The following PRKAR2B variants were observed in gnomAD, a reference collection of about 807,000 sequenced individuals.
The protein encoded by PRKAR2B is cAMP-dependent protein kinase type II-beta regulatory subunit.
A neutral mutation model predicts 49.9 loss-of-function variants in PRKAR2B; 14 were observed. That is an observed-to-expected ratio of 0.28 (90% CI 0.19 to 0.44). The LOEUF is 0.44. Among genes scored for constraint, PRKAR2B ranks in the 20% least tolerant of loss-of-function variants. PRKAR2B has a pLI of 1.00. For missense variants in PRKAR2B, 393 were observed against 537.9 expected (o/e 0.73, Z 2.67); for synonymous variants, 196 against 197.7 (o/e 0.99, Z 0.07).
At chr7:107,132,152 C>A (rs911821714) in intron 4 of PRKAR2B, among the ~76,000 whole-genome samples, 3 of 152,190 alleles carry the variant, frequency 2.0e-5, no homozygotes, top group Non-Finnish European at 4.4e-5. Context: ...GAGCTGTGCC[C>A]TCTGAAAATG....
intron 2 of PRKAR2B, among the ~76,000 whole-genome samples, chr7:107,113,993 G>A (rs1795220483): frequency 6.6e-6 from 1 of 152,158 alleles, no homozygotes; most frequent in Admixed American, 6.5e-5. Context: ...TTGTTGATAG[G>A]ATTCCTTTGA....
At chr7:107,089,403 C>T (rs968627445) in intron 2 of PRKAR2B, among the ~76,000 whole-genome samples, 1 of 152,160 alleles carries the variant, frequency 6.6e-6, no homozygotes, top group African/African-American at 2.4e-5. Context: ...ATTTATCTTC[C>T]TAACCAGGTT....
At chr7:107,054,270 C>T (rs1013229475) in intron 1 of PRKAR2B, among the ~76,000 whole-genome samples, 21 of 152,260 alleles carry the variant, frequency 1.4e-4, no homozygotes, top group Middle Eastern at 6.8e-3. Context: ...AGGAGAATGG[C>T]GTGAACCCGA....
At chr7:107,115,976 C>G (rs575227532) in intron 2 of PRKAR2B, among the ~76,000 whole-genome samples, 265 of 152,314 alleles carry the variant, frequency 1.7e-3, no homozygotes, top group African/African-American at 5.6e-3. Flanking sequence ...GAACCAAGTA[C>G]TCACTCTCCT....
chr7:107,150,819 T>C, intron 6 of PRKAR2B, 103 bp from the exon 7 acceptor site: 2 of 618,536 alleles, frequency 3.2e-6, no homozygotes, highest in Non-Finnish European at 5.6e-6. Flanking sequence ...TGTTAATCTT[T>C]TATTTCAGAA....
chr7:107,138,769 A>G (rs746881140), intron 4 of PRKAR2B, among the ~76,000 whole-genome samples: 1 of 152,024 alleles, frequency 6.6e-6, no homozygotes, highest in Non-Finnish European at 1.5e-5. Context: ...CTGAAGCCTC[A>G]ACCTCCCAGG....
chr7:107,044,866 G>C lies in PRKAR2B; in HGVS notation c.-42G>C. On this transcript the variant is annotated 5_prime_UTR_variant, in exon 1 of 11. Coordinates refer to ENST00000265717, the MANE Select transcript of PRKAR2B (RefSeq NM_002736.3). ...GGGGCCCTAGGCCGTGCCGGGGAGG[G>C]GGCGAGGGCGGCGCCCAGGCGCCTG... 1 of 1,532,370 alleles carries C rather than the reference G, an allele frequency of 6.5e-7. No individual in the cohort carries two copies. Among genetic ancestry groups the C allele is most frequent in the Non-Finnish European group, 8.8e-7 (1 of 1,142,488 alleles). The allele number at this position is 1,532,370 out of a possible 1,614,324, so 94.9% of individuals were successfully genotyped here.
chr7:107,066,992 A>C (rs1317662522), intron 1 of PRKAR2B: 1 of 152,304 alleles, frequency 6.6e-6, no homozygotes, highest in Non-Finnish European at 1.5e-5. Flanking sequence ...ATCAGAAGGC[A>C]ATGTGGCCAG....
chr7:107,071,582 T>C (rs1294985491), intron 2 of PRKAR2B, among the ~76,000 whole-genome samples: 3 of 152,212 alleles, frequency 2.0e-5, no homozygotes, highest in Non-Finnish European at 4.4e-5. Context: ...TAGTCCTTTA[T>C]GAGCAGTGGT....
At position 107,142,334 on chromosome 7, in the gene PRKAR2B, G is replaced by T. The variant is rs566136719; in HGVS notation, c.587+1381G>T. ...GACCTGTGGCTGAAGCACTAGCCAG[G>T]ATTTTAGAATAGAATAAACCAGTTA... is the stretch of plus-strand genomic sequence containing the variant. On this transcript the variant is annotated intron_variant, in intron 5 of 10. Coordinates refer to ENST00000265717, the MANE Select transcript of PRKAR2B (RefSeq NM_002736.3). 2.6e-5 allele frequency among the ~76,000 whole-genome samples: 4 copies of T among 152,230 alleles called. No individual in the cohort carries two copies. In the East Asian group the frequency reaches 5.8e-4, roughly 22 times the overall value.
chr7:107,061,765 C>T (rs1794031332), intron 1 of PRKAR2B, among the ~76,000 whole-genome samples: 1 of 152,100 alleles, frequency 6.6e-6, no homozygotes, highest in South Asian at 2.1e-4. Context: ...TTAGTGGTGG[C>T]ACATGCCTTT....
intron 1 of PRKAR2B, among the ~76,000 whole-genome samples, chr7:107,064,658 C>T (rs1794097952): frequency 6.6e-6 from 1 of 152,174 alleles, no homozygotes; most frequent in South Asian, 2.1e-4. Context: ...TGTCCTTGTA[C>T]CTTTGAGCCC....
chr7:107,068,017 G>T (rs1250077780), intron 1 of PRKAR2B, among the ~76,000 whole-genome samples: 1 of 152,186 alleles, frequency 6.6e-6, no homozygotes, highest in Non-Finnish European at 1.5e-5. Context: ...ACAGTTCTTT[G>T]TTGTGCAGGA....
intron 7 of PRKAR2B, among the ~76,000 whole-genome samples, chr7:107,151,612 A>G (rs1010959433): frequency 6.6e-6 from 1 of 152,214 alleles, no homozygotes; most frequent in African/African-American, 2.4e-5. Context: ...TAATACACCT[A>G]AACTATGGAA....
At chr7:107,146,589 A>T in intron 6 of PRKAR2B, 128 bp downstream of exon 6, 2 of 1,073,330 alleles carry the variant, frequency 1.9e-6, no homozygotes, top group South Asian at 3.3e-5. Context: ...TTAAGCAGCC[A>T]CTGAATGCTG....
At chr7:107,159,115 A>G (rs1254437572) in intron 10 of PRKAR2B, among the ~76,000 whole-genome samples, 2 of 152,146 alleles carry the variant, frequency 1.3e-5, no homozygotes, top group East Asian at 1.9e-4. Flanking sequence ...TCACATTGCT[A>G]AGGTGGAGAC....
chr7:107,083,758 G>A (rs1177920676), intron 2 of PRKAR2B, among the ~76,000 whole-genome samples: 1 of 151,846 alleles, frequency 6.6e-6, no homozygotes, highest in Non-Finnish European at 1.5e-5. Context: ...GATTACAGGC[G>A]CCCACAACCA....
At chr7:107,085,173 G>A (rs1794593162) in intron 2 of PRKAR2B, among the ~76,000 whole-genome samples, 2 of 152,138 alleles carry the variant, frequency 1.3e-5, no homozygotes, top group Non-Finnish European at 2.9e-5. Context: ...TAGATGCTCT[G>A]TGATGATTTG....
chr7:107,101,534 A>C (rs1333440000), intron 2 of PRKAR2B, among the ~76,000 whole-genome samples: 1 of 152,196 alleles, frequency 6.6e-6, no homozygotes, highest in Admixed American at 6.5e-5. Context: ...TGGAGAATTT[A>C]TCAAGTGCCT....
Sources: allele counts gnomAD v4.1 joint callset (sites outside exome capture counted in the v4.1 genomes callset), GRCh38; gene constraint gnomAD v4.1.1; transcripts MANE v1.5; gene names NCBI Gene and HGNC (gene_info 2026-07-23, HGNC 2026-07-21).